Variants in SMARCAL1 observed in about 807,000 individuals in gnomAD.
The protein encoded by SMARCAL1 is ATP-driven annealing helicase.
In SMARCAL1, 58 loss-of-function variants were observed where a neutral mutation model predicts 94.5. The ratio of observed to expected loss-of-function variants is 0.61; its 90% CI spans 0.50 to 0.76. The LOEUF (loss-of-function observed/expected upper bound fraction) is 0.76. SMARCAL1 is among the 30% of genes least tolerant of loss of function. The pLI, the probability that SMARCAL1 is intolerant of heterozygous loss-of-function variation, is 0.00. For missense variants in SMARCAL1, 1,051 were observed against 1,177.9 expected (o/e 0.89, Z 1.58); for synonymous variants, 422 against 455.1 (o/e 0.93, Z 0.93).
In SMARCAL1 at chr2:216,420,540, A is replaced by G. The variant is rs1693696845; in HGVS notation, c.1096+8A>G. ...TGGATTCCAGAAGATATGGCAAGTA[A>G]TTGGTCTTTGTCTGATTCCCAGAAT... On this transcript the variant is annotated splice_region_variant and intron_variant, in intron 5 of 17. Coordinates refer to ENST00000357276, the MANE Select transcript of SMARCAL1 (RefSeq NM_014140.4). 8.7e-6 allele frequency: 14 copies of G among 1,604,044 alleles called. No homozygotes were observed. The highest frequency in any genetic ancestry group is 3.3e-5 in the South Asian group (3 of 90,852).
chr2:216,446,897 C>A, intron 10 of SMARCAL1, 121 bp from the exon 11 acceptor site: 1 of 1,126,322 alleles, frequency 8.9e-7, no homozygotes, highest in Non-Finnish European at 1.3e-6. Context: ...CCATTAGGTT[C>A]TCGCGACACG....
intron 10 of SMARCAL1, among the ~76,000 whole-genome samples, chr2:216,445,931 A>C (rs146432362): frequency 3.2e-4 from 49 of 152,258 alleles, no homozygotes; most frequent in East Asian, 2.3e-3. Context: ...AACCTAATTT[A>C]TTCTCCTAGG....
chr2:216,464,489 G>A lies in SMARCAL1; in HGVS notation c.2071-108G>A, dbSNP rs1006051859. 3.3e-5 allele frequency: 28 copies of A among 858,972 alleles called. No individual in the cohort carries two copies. In the Admixed American group the frequency reaches 4.8e-4, roughly 15 times the overall value. 53.2% of individuals were successfully genotyped at this position (858,972 alleles called of 1,614,324 possible). On this transcript the variant is annotated intron_variant, in intron 12 of 17. Coordinates refer to ENST00000357276, the MANE Select transcript of SMARCAL1 (RefSeq NM_014140.4). ...TCAGCACCAGGGTCTCCTGACTCTG[G>A]TGACGGGTGGTTGAGATTTGTAAAG...
intron 10 of SMARCAL1, among the ~76,000 whole-genome samples, chr2:216,446,123 T>C (rs574288355): frequency 6.6e-6 from 1 of 152,198 alleles, no homozygotes; most frequent in South Asian, 2.1e-4. Context: ...TCTCTTTTTT[T>C]TTTTCTCACC....
chr2:216,482,914 T>C lies in SMARCAL1; in HGVS notation c.2802T>C (p.Ser934=), dbSNP rs748203422. 2 of 1,614,066 alleles carry C rather than the reference T, an allele frequency of 1.2e-6. No homozygotes were observed. The highest frequency in any genetic ancestry group is 1.7e-5 in the Admixed American group (1 of 60,016). ...TGGATGAAAGCTCATTGACAGCCAG[T>C]CCACAGAAGAAAAGGAGATTTGAAT... ...DTLDESSLTA[S]PQKKRRFEFF... The change falls in exon 18 of 18, where the codon AGT becomes AGC. Residue 934 remains serine, a synonymous_variant. Coordinates refer to ENST00000357276, the MANE Select transcript of SMARCAL1 (RefSeq NM_014140.4). This position sits in a 1 kb window ranked among gnomAD's most constrained non-coding sequence, Gnocchi z 4.3.
Position 216,467,973 on chromosome 2 carries a change from G to A in SMARCAL1, c.2171G>A (p.Gly724Glu). The A allele has an allele frequency of 1.2e-6, 2 of 1,613,310 alleles. No homozygotes were observed. The highest frequency in any genetic ancestry group is 1.7e-6 in the Non-Finnish European group (2 of 1,179,268). ...TATATCTTGGACCTACTGGAAAGTGGAAGAGAGAAGTTTTTAGTATTTGCA... is the reference window on the plus strand; with the variant it reads ...TATATCTTGGACCTACTGGAAAGTGAAAGAGAGAAGTTTTTAGTATTTGCA... ...IEYILDLLES[G>E]REKFLVFAHH... The change falls in exon 14 of 18, where the codon GGA becomes GAA. Residue 724 changes from glycine (G) to glutamate (E), a missense_variant. By Grantham distance (98) the Gly-to-Glu change is moderately conservative (BLOSUM62 -2). Coordinates refer to ENST00000357276, the MANE Select transcript of SMARCAL1 (RefSeq NM_014140.4).
intron 3 of SMARCAL1, 79 bp downstream of exon 3, chr2:216,415,594 A>T: frequency 7.5e-7 from 1 of 1,326,734 alleles, no homozygotes; most frequent in Non-Finnish European, 1.1e-6. Context: ...GTTTCTCATA[A>T]ATATTAAGAG....
chr2:216,456,709 A>G (rs1055260450), intron 12 of SMARCAL1, among the ~76,000 whole-genome samples: 20 of 152,378 alleles, frequency 1.3e-4, no homozygotes, highest in Admixed American at 8.5e-4. Context: ...AAACATGGAA[A>G]GGAACAACCA....
At chr2:216,457,517 CT>C (rs1694596265) in intron 12 of SMARCAL1, among the ~76,000 whole-genome samples, 1 of 152,222 alleles carries the variant, frequency 6.6e-6, no homozygotes, top group South Asian at 2.1e-4. Flanking sequence ...CAAACTAGAA[CT>C]CAGGATTAAG....
At chr2:216,418,511 G>C (rs1693651999) in intron 4 of SMARCAL1, among the ~76,000 whole-genome samples, 1 of 152,086 alleles carries the variant, frequency 6.6e-6, no homozygotes, top group African/African-American at 2.4e-5. Flanking sequence ...CTCATGATTG[G>C]CTTTTTATTG....
chr2:216,414,800 G>T lies in SMARCAL1; in HGVS notation c.96G>T (p.Gln32His). Residue 32 changes from glutamine (Q) to histidine (H), a missense_variant, in exon 3 of 18, where the codon CAG (glutamine) becomes CAT (histidine). By Grantham distance (24) the Gln-to-His change is conservative. This residue lies in a region of SMARCAL1 where 398 missense variants were observed against 395.2 expected (regional missense o/e 1.01). Transcript: ENST00000357276. Reference sequence around the variant, plus strand: ...GAGCTGAGAAGTTATTGGCAGAACAGCATCAGAGGACTAGCTCGGGCACCT... The same window carrying T: ...GAGCTGAGAAGTTATTGGCAGAACATCATCAGAGGACTAGCTCGGGCACCT... ...ARRAEKLLAE[Q>H]HQRTSSGTSI... is the part of the protein sequence containing the mutation. The T allele has an allele frequency of 6.2e-7, 1 of 1,614,218 alleles. No individual in the cohort carries two copies.
intron 8 of SMARCAL1, 126 bp from the exon 9 acceptor site, chr2:216,435,212 G>T: frequency 1.0e-6 from 1 of 982,450 alleles, no homozygotes; most frequent in East Asian, 2.4e-5. Context: ...GCAAGTGAAG[G>T]GGCACAGGTA....
At chr2:216,466,504 C>A (rs114483851) in intron 13 of SMARCAL1, among the ~76,000 whole-genome samples, 1,778 of 152,284 alleles carry the variant, frequency 0.012, 31 homozygotes, top group African/African-American at 0.041. Context: ...CCCCAATTTC[C>A]TCAGCTAGTT....
rs370338158 is a variant in SMARCAL1 at position 216,432,683 on chromosome 2, G to T, written c.1335-35G>T. ...ATGAGGGCAGATGAACTCATGCCCC[G>T]GGAAATGTGCCATCCTCACCTTGTC... On this transcript the variant is annotated intron_variant, in intron 7 of 17. Coordinates refer to ENST00000357276, the MANE Select transcript of SMARCAL1 (RefSeq NM_014140.4). The T allele has an allele frequency of 2.5e-5, 40 of 1,613,556 alleles. No homozygotes were observed. In the Admixed American group the frequency reaches 6.5e-4, roughly 26 times the overall value.
intron 10 of SMARCAL1, among the ~76,000 whole-genome samples, chr2:216,443,998 T>G (rs764486504): frequency 1.1e-4 from 17 of 152,244 alleles, no homozygotes; most frequent in Non-Finnish European, 1.8e-4. Context: ...ATAGTGACTG[T>G]GATCCCACAT....
rs1434893237 is a variant in SMARCAL1, at chr2:216,467,959, C to G, written c.2157C>G (p.Asp719Glu). 6.2e-7 allele frequency: 1 copy of G among 1,608,746 alleles called. No individual in the cohort carries two copies. ...KIPSVIEYIL[D>E]LLESGREKFL... is the part of the protein sequence containing the mutation. ...TCAAATGCAGTGAATATATCTTGGA[C>G]CTACTGGAAAGTGGAAGAGAGAAGT... The change falls in exon 14 of 18, where the codon GAC (aspartate) becomes GAG (glutamate). Residue 719 changes from aspartate (D) to glutamate (E), a missense_variant. Transcript: ENST00000357276.
Position 216,464,586 on chromosome 2 carries a change from T to C in SMARCAL1, c.2071-11T>C, listed in dbSNP as rs764047401. On this transcript the variant is annotated splice_polypyrimidine_tract_variant and intron_variant, in intron 12 of 17. Coordinates refer to ENST00000357276, the MANE Select transcript of SMARCAL1 (RefSeq NM_014140.4). Reference sequence around the variant, plus strand: ...TGGGGCACTTAACATTCTTAACTTATCTTTCAACAGAAACAGCAGCAGAAA... The same window carrying C: ...TGGGGCACTTAACATTCTTAACTTACCTTTCAACAGAAACAGCAGCAGAAA... The C allele has an allele frequency of 4.4e-6, 7 of 1,607,352 alleles. No individual in the cohort carries two copies. The Admixed American group carries it at 6.7e-5, about 15-fold the overall frequency.
intron 7 of SMARCAL1, 65 bp from the exon 8 acceptor site, chr2:216,432,653 C>A: frequency 1.3e-6 from 2 of 1,597,866 alleles, no homozygotes; most frequent in Non-Finnish European, 8.6e-7. Context: ...GCTGACCCAC[C>A]GGACATGAGG....
chr2:216,423,897 A>G (rs965589384), intron 6 of SMARCAL1, among the ~76,000 whole-genome samples: 1 of 152,176 alleles, frequency 6.6e-6, no homozygotes, highest in African/African-American at 2.4e-5. Flanking sequence ...CTCTTCTATC[A>G]TAAGGGTGAG....
Sources: gnomAD v4.1 joint callset for allele counts (sites outside exome capture counted in the v4.1 genomes callset) on GRCh38, gnomAD v4.1.1 for gene constraint, gnomAD v4.1.1 regional missense constraint, Gnocchi (gnomAD v3.1) non-coding constraint, MANE v1.5 for transcripts, NCBI Gene and HGNC (gene_info 2026-07-23, HGNC 2026-07-21) for gene names.